The following WDR49 variants were observed in gnomAD, a reference collection of about 807,000 sequenced individuals.
WDR49 encodes the protein cilia- and flagella-associated protein 337.
Under a neutral mutation model 119.5 loss-of-function variants are expected in WDR49, and 107 were observed. The observed-to-expected ratio is 0.90, with a 90% confidence interval of 0.77 to 1.05. The LOEUF (loss-of-function observed/expected upper bound fraction) is 1.05. Ranked by LOEUF, WDR49 falls within the 50% of genes least tolerant of loss-of-function variation. The pLI is 0.00. For synonymous variants in WDR49, 425 were observed against 418.8 expected (o/e 1.01, Z -0.18); for missense variants, 1,240 against 1,220.5 (o/e 1.02, Z -0.24).
At chr3:167,611,496 T>G (rs1716332461) in intron 5 of WDR49, among the ~76,000 whole-genome samples, 1 of 151,960 alleles carries the variant, frequency 6.6e-6, no homozygotes, top group South Asian at 2.1e-4. Flanking sequence ...AATATTGAAT[T>G]TAAATGGATT....
In WDR49 at chr3:167,620,540, C is replaced by T; in HGVS notation, c.847G>A (p.Glu283Lys). The T allele has an allele frequency of 6.5e-7, 1 of 1,535,730 alleles. No individual in the cohort carries two copies. The change falls in exon 5 of 19, where the codon GAA becomes AAA. Residue 283 changes from glutamate (E) to lysine (K), a missense_variant. By Grantham distance (56) the Glu-to-Lys change is moderately conservative (BLOSUM62 1). Transcript: ENST00000682715. The stretch of plus-strand genomic sequence containing the variant: ...ATGGTCATAGTGGCTTCTCCATCTT[C>T]ACATGCACTAGCAGGCCGTTCAAAC... ...SLFERPASAC[E>K]DGEATMTINW...
At chr3:167,626,090 A>G (rs1717118236) in intron 3 of WDR49, among the ~76,000 whole-genome samples, 2 of 152,038 alleles carry the variant, frequency 1.3e-5, no homozygotes, top group South Asian at 4.1e-4. Flanking sequence ...TTAAGAAAAT[A>G]TTGCTATGGA....
chr3:167,645,993 T>C (rs1463635877), intron 2 of WDR49, among the ~76,000 whole-genome samples: 2 of 152,166 alleles, frequency 1.3e-5, no homozygotes, highest in Non-Finnish European at 2.9e-5. Context: ...TTTACACACA[T>C]GTGAGTAGGA....
In WDR49 at chr3:167,604,322, G is replaced by A. The variant is rs766277389; in HGVS notation, c.1105C>T (p.His369Tyr). ...CTACCAATTAAATTGAGCCGAGAGT[G>A]ATAATCAAAAGCATGAATGCCCTGG... is the stretch of plus-strand genomic sequence containing the variant. ...IAQGIHAFDYHSRLNLIATAG... is the reference protein window; with the variant it reads ...IAQGIHAFDYYSRLNLIATAG... Residue 369 changes from histidine to tyrosine, a missense_variant, in exon 6 of 19, where the codon CAC becomes TAC. His to Tyr is a moderately conservative substitution (Grantham distance 83, BLOSUM62 2). Transcript: ENST00000682715. The A allele has an allele frequency of 3.7e-6, 6 of 1,613,632 alleles. No individual in the cohort carries two copies. In the South Asian group the frequency reaches 4.4e-5, roughly 12 times the overall value.
intron 2 of WDR49, among the ~76,000 whole-genome samples, chr3:167,648,362 G>A (rs769812021): frequency 1.3e-5 from 2 of 152,048 alleles, no homozygotes; most frequent in East Asian, 1.9e-4. Flanking sequence ...CAATAGGACC[G>A]ACTATTAAAA....
rs148366466 is a variant in WDR49 at position 167,562,152 on chromosome 3, T to C, written c.1510-1924A>G. 6.3e-4 allele frequency among the ~76,000 whole-genome samples: 96 copies of C among 152,238 alleles called. No individual in the cohort carries two copies. In the East Asian group the frequency reaches 0.018, roughly 29 times the overall value. ...ATTATCATTGGGGGCCAATGATTAA[T>C]CCAAAAGGCTAAAAACATTATTATT... On this transcript the variant is annotated intron_variant, in intron 8 of 18. Coordinates refer to ENST00000682715, the MANE Select transcript of WDR49 (RefSeq NM_001366157.1).
Position 167,627,229 on chromosome 3 carries a change from T to C in WDR49, c.229A>G (p.Ile77Val). The change falls in exon 3 of 19, where the codon ATT (isoleucine) becomes GTT (valine). Residue 77 changes from isoleucine to valine, a missense_variant. Transcript: ENST00000682715. Reference protein sequence around the residue: ...REDFTQKMTEIVGWGTKEEYG... With the variant: ...REDFTQKMTEVVGWGTKEEYG... ...TCTTCCTTCGTGCCCCAACCAACAATCTCTGTCATCTTCTGCGTGAAGTCT... is the reference window on the plus strand; with the variant it reads ...TCTTCCTTCGTGCCCCAACCAACAACCTCTGTCATCTTCTGCGTGAAGTCT... 8.0e-7 allele frequency: 1 copy of C among 1,251,748 alleles called. No homozygotes were observed. Among genetic ancestry groups the C allele is most frequent in the Non-Finnish European group, 1.0e-6 (1 of 998,126 alleles). 77.5% of individuals were successfully genotyped at this position (1,251,748 alleles called of 1,614,324 possible).
chr3:167,529,046 A>G lies in WDR49; in HGVS notation c.2406+6T>C. 6.5e-7 allele frequency: 1 copy of G among 1,546,686 alleles called. No individual in the cohort carries two copies. Among genetic ancestry groups the G allele is most frequent in the Non-Finnish European group, 8.7e-7 (1 of 1,152,328 alleles). The stretch of plus-strand genomic sequence containing the variant: ...AAAGGTAATGTGATAATGTTTTTCA[A>G]TTTACCTCTATATTCCAGATTTTCA... On this transcript the variant is annotated splice_donor_region_variant and intron_variant, in intron 14 of 18. Coordinates refer to ENST00000682715, the MANE Select transcript of WDR49 (RefSeq NM_001366157.1).
Position 167,545,419 on chromosome 3 carries a change from A to G in WDR49, c.1824-8419T>C, listed in dbSNP as rs554920453. ...ACGCATGTTTATAGCAGCACAATTC[A>G]TAACTGCAAAAATATGGAACCAGCC... On this transcript the variant is annotated intron_variant, in intron 10 of 18. Coordinates refer to ENST00000682715, the MANE Select transcript of WDR49 (RefSeq NM_001366157.1). Among the ~76,000 whole-genome samples the G allele has an allele frequency of 3.7e-4, 56 of 150,262 alleles. 1 individual carries two copies. The highest frequency in any genetic ancestry group is 4.6e-4 in the Non-Finnish European group (31 of 67,520).
At chr3:167,648,868 C>G (rs753832975) in intron 2 of WDR49, among the ~76,000 whole-genome samples, 8 of 152,126 alleles carry the variant, frequency 5.3e-5, no homozygotes, top group African/African-American at 1.2e-4. Flanking sequence ...TTTATGTGAA[C>G]AGGAAATAAT....
chr3:167,500,485 CT>C (rs1417096426), intron 17 of WDR49, among the ~76,000 whole-genome samples, 186 bp from the exon 18 acceptor site: 1 of 152,120 alleles, frequency 6.6e-6, no homozygotes, highest in Admixed American at 6.5e-5. Context: ...ATCCATAGTG[CT>C]TTTTATTCAA....
At chr3:167,497,277 T>C (rs761204315) in intron 18 of WDR49, among the ~76,000 whole-genome samples, 11 of 152,190 alleles carry the variant, frequency 7.2e-5, no homozygotes, top group Non-Finnish European at 8.8e-5. Flanking sequence ...AAGAAAATTA[T>C]TTTCACTTGC....
chr3:167,648,361 C>T (rs140948447), intron 2 of WDR49, among the ~76,000 whole-genome samples: 5 of 151,896 alleles, frequency 3.3e-5, no homozygotes, highest in South Asian at 2.1e-4. Flanking sequence ...GCAATAGGAC[C>T]GACTATTAAA....
chr3:167,612,245 G>T (rs1716372807), intron 5 of WDR49, among the ~76,000 whole-genome samples: 1 of 152,024 alleles, frequency 6.6e-6, no homozygotes, highest in Non-Finnish European at 1.5e-5. Context: ...GTGAGTCAGT[G>T]AAGAAATTAA....
intron 15 of WDR49, among the ~76,000 whole-genome samples, chr3:167,526,730 T>C (rs1752645846): frequency 6.6e-6 from 1 of 152,170 alleles, no homozygotes; most frequent in Admixed American, 6.6e-5. Context: ...ACCCTCTGCA[T>C]CCTAAAGGGG....
chr3:167,645,951 TG>T (rs1253190654), intron 2 of WDR49, among the ~76,000 whole-genome samples: 2 of 152,182 alleles, frequency 1.3e-5, no homozygotes, highest in African/African-American at 4.8e-5. Context: ...CCCGCCTGCA[TG>T]GTAAGAAAAG....
intron 5 of WDR49, among the ~76,000 whole-genome samples, chr3:167,605,062 C>T (rs868372258): frequency 4.9e-5 from 7 of 142,940 alleles, no homozygotes; most frequent in East Asian, 2.1e-4. Flanking sequence ...ATACATATGG[C>T]GTATATATAC....
chr3:167,643,518 A>T (rs1717977653), intron 2 of WDR49, among the ~76,000 whole-genome samples: 2 of 152,110 alleles, frequency 1.3e-5, no homozygotes, highest in Non-Finnish European at 2.9e-5. Context: ...ATAATTCTGT[A>T]TTGGATCTGT....
rs749392932 is a variant in WDR49 at position 167,532,954 on chromosome 3, G to T, written c.1978C>A (p.Leu660Ile). The change falls in exon 12 of 19, where the codon CTA becomes ATA. Residue 660 changes from leucine (L) to isoleucine (I), a missense_variant. Leu to Ile is a conservative substitution (Grantham distance 5). Transcript: ENST00000682715. ...GCATTCTCTGTGCTATTGTTCCATAGAACAATTTCTCCATCATAACTCCCT... is the reference window on the plus strand; with the variant it reads ...GCATTCTCTGTGCTATTGTTCCATATAACAATTTCTCCATCATAACTCCCT... Reference protein sequence around the residue: ...VTGSYDGEIVLWNNSTENAHH... With the variant: ...VTGSYDGEIVIWNNSTENAHH... 6.2e-7 allele frequency: 1 copy of T among 1,606,508 alleles called. No homozygotes were observed. The highest frequency in any genetic ancestry group is 8.5e-7 in the Non-Finnish European group (1 of 1,174,800).
Sources: allele counts gnomAD v4.1 joint callset (sites outside exome capture counted in the v4.1 genomes callset), GRCh38; gene constraint gnomAD v4.1.1; transcripts MANE v1.5; gene names NCBI Gene and HGNC (gene_info 2026-07-23, HGNC 2026-07-21).